The following ADAMTS14 variants were observed in gnomAD, a reference collection of about 807,000 sequenced individuals.
ADAMTS14 encodes ADAM metallopeptidase with thrombospondin type 1 motif 14.
Under a neutral mutation model 128.6 loss-of-function variants are expected in ADAMTS14, and 100 were observed. That is an observed-to-expected ratio of 0.78 (90% CI 0.66 to 0.92). The LOEUF (loss-of-function observed/expected upper bound fraction) is 0.92, where lower values mean the gene tolerates loss of function less well. Among genes scored for constraint, ADAMTS14 ranks in the 40% least tolerant of loss-of-function variants. The pLI is 0.00. For synonymous variants in ADAMTS14, 665 were observed against 653.8 expected (o/e 1.02, Z -0.26); for missense variants, 1,562 against 1,658.6 (o/e 0.94, Z 1.01).
intron 18 of ADAMTS14, 22 bp downstream of exon 18, chr10:70,752,249 C>A: frequency 6.2e-7 from 1 of 1,612,024 alleles, no homozygotes; most frequent in Non-Finnish European, 8.5e-7. Context: ...CAGGGAGGGA[C>A]GGGGAGTCTG....
intron 3 of ADAMTS14, among the ~76,000 whole-genome samples, chr10:70,706,745 C>T (rs1254238183): frequency 6.6e-6 from 1 of 152,250 alleles, no homozygotes; most frequent in African/African-American, 2.4e-5. Context: ...TGTTCCTTTG[C>T]ACTATAGCAC....
Position 70,708,993 on chromosome 10 carries a change from G to A in ADAMTS14, c.870+215G>A, listed in dbSNP as rs116974878. On this transcript the variant is annotated intron_variant, in intron 4 of 21. Transcript: ENST00000373207. ...ATGAGCCTGAATTGGCCTGACTTGC[G>A]TCCCAGGCTGTGGCCTGATCCCAGC... Among the ~76,000 whole-genome samples the A allele has an allele frequency of 2.4e-3, 366 of 152,336 alleles. 14 individuals are homozygous for A. In the South Asian group the frequency reaches 0.037, roughly 16 times the overall value.
At chr10:70,677,210 T>C (rs1306638637) in intron 2 of ADAMTS14, among the ~76,000 whole-genome samples, 2 of 152,148 alleles carry the variant, frequency 1.3e-5, no homozygotes, top group Non-Finnish European at 2.9e-5. Context: ...GTGTAGCATA[T>C]ATGGTGACAA....
At position 70,702,343 on chromosome 10, in the gene ADAMTS14, T is replaced by C. The variant is rs750315083; in HGVS notation, c.554T>C (p.Phe185Ser). 2 of 1,614,102 alleles carry C rather than the reference T, an allele frequency of 1.2e-6. No individual in the cohort carries two copies. The highest frequency in any genetic ancestry group is 2.7e-5 in the African/African-American group (2 of 74,944). The part of the protein sequence containing the change: ...AGLIRTDSTD[F>S]FIEPLERGQQ... Reference sequence around the variant, plus strand: ...CTCATCCGCACAGACAGCACCGACTTCTTCATTGAGCCTCTGGAGCGGGGC... The same window carrying C: ...CTCATCCGCACAGACAGCACCGACTCCTTCATTGAGCCTCTGGAGCGGGGC... The change falls in exon 3 of 22, where the codon TTC (phenylalanine) becomes TCC (serine). Residue 185 changes from phenylalanine (F) to serine (S), a missense_variant. Physicochemically the swap from Phe to Ser is radical, Grantham distance 155. Coordinates refer to ENST00000373207, the MANE Select transcript of ADAMTS14 (RefSeq NM_080722.4).
At chr10:70,695,719 A>C (rs901475036) in intron 2 of ADAMTS14, among the ~76,000 whole-genome samples, 1 of 152,216 alleles carries the variant, frequency 6.6e-6, no homozygotes, top group African/African-American at 2.4e-5. Flanking sequence ...TCTGTTCCAA[A>C]GTTTGAGATG....
chr10:70,684,838 G>A (rs1839909153), intron 2 of ADAMTS14, among the ~76,000 whole-genome samples: 2 of 147,952 alleles, frequency 1.4e-5, no homozygotes, highest in Admixed American at 6.7e-5. Flanking sequence ...CAGAGGCCCC[G>A]GGCCTGGGTC....
Position 70,730,121 on chromosome 10 carries a change from G to C in ADAMTS14, c.974G>C (p.Arg325Pro). The C allele has an allele frequency of 6.2e-7, 1 of 1,607,844 alleles. No individual in the cohort carries two copies. Among genetic ancestry groups the C allele is most frequent in the Non-Finnish European group, 8.5e-7 (1 of 1,179,204 alleles). The change falls in exon 6 of 22, where the codon CGC becomes CCC. Residue 325 changes from arginine to proline, a missense_variant. Transcript: ENST00000373207. The part of the protein sequence containing the change: ...GYRQSLSLIE[R>P]GNPSRSLEQV... ...CTGCAGTCCCTGAGCCTGATCGAGC[G>C]CGGGAACCCCTCACGCAGCCTGGAG...
chr10:70,692,420 G>A (rs1050700278), intron 2 of ADAMTS14, among the ~76,000 whole-genome samples: 13 of 152,236 alleles, frequency 8.5e-5, no homozygotes, highest in Admixed American at 5.9e-4. Context: ...CAGCTGGGAA[G>A]GACCCTGCTG....
At chr10:70,697,922 C>A (rs1840383057) in intron 2 of ADAMTS14, among the ~76,000 whole-genome samples, 1 of 152,192 alleles carries the variant, frequency 6.6e-6, no homozygotes. Flanking sequence ...ATCTTCCACC[C>A]TCACCATCAT....
chr10:70,744,786 T>C lies in ADAMTS14; in HGVS notation c.2183-440T>C, dbSNP rs193280661. 1.3e-3 allele frequency among the ~76,000 whole-genome samples: 194 copies of C among 152,254 alleles called. 1 individual carries two copies. Among genetic ancestry groups the C allele is most frequent in the African/African-American group, 4.4e-3 (183 of 41,534 alleles). ...GACAAGGTTGGTGGCTCTGAGAAAG[T>C]CCAGGCCTTGGGTCGGGAGGGCCAG... On this transcript the variant is annotated intron_variant, in intron 14 of 21. Coordinates refer to ENST00000373207, the MANE Select transcript of ADAMTS14 (RefSeq NM_080722.4).
chr10:70,749,707 G>A (rs1842292858), intron 15 of ADAMTS14, 115 bp from the exon 16 acceptor site: 1 of 1,333,554 alleles, frequency 7.5e-7, no homozygotes, highest in Non-Finnish European at 1.0e-6. Flanking sequence ...GGAAGGAAAG[G>A]CCGGTGGACA....
chr10:70,686,256 G>A (rs1246100661), intron 2 of ADAMTS14, among the ~76,000 whole-genome samples: 1 of 147,878 alleles, frequency 6.8e-6, no homozygotes, highest in African/African-American at 2.5e-5. Context: ...GGTGGCTGAA[G>A]GCCTTTGTCA....
rs1841589923 is a variant in ADAMTS14, at chr10:70,730,193, A to G, written c.1046A>G (p.His349Arg). ...TCCCAGCAGCGCCAGGACCCCAGCC[A>G]CGCTGAGCACCATGACCACGTTGTG... ...AHSQQRQDPSHAEHHDHVVFL... is the reference protein window; with the variant it reads ...AHSQQRQDPSRAEHHDHVVFL... The change falls in exon 6 of 22, where the codon CAC (histidine) becomes CGC (arginine). Residue 349 changes from histidine to arginine, a missense_variant. Coordinates refer to ENST00000373207, the MANE Select transcript of ADAMTS14 (RefSeq NM_080722.4). The G allele has an allele frequency of 6.2e-7, 1 of 1,613,922 alleles. No homozygotes were observed. The highest frequency in any genetic ancestry group is 1.1e-5 in the South Asian group (1 of 91,084).
At chr10:70,712,702 G>A (rs1840900062) in intron 4 of ADAMTS14, among the ~76,000 whole-genome samples, 1 of 152,164 alleles carries the variant, frequency 6.6e-6, no homozygotes, top group South Asian at 2.1e-4. Flanking sequence ...TCTGCTGTAA[G>A]GGCACTTTCT....
In ADAMTS14 at chr10:70,760,448, C is replaced by T; in HGVS notation, c.3267C>T (p.Cys1089=). Reference sequence around the variant, plus strand: ...CCATTCCCGGCTACCACCGGCTCTGCTGTGTGTCCTGCATCAAGAAGGCCT... The same window carrying T: ...CCATTCCCGGCTACCACCGGCTCTGTTGTGTGTCCTGCATCAAGAAGGCCT... ...YCSIPGYHRL[C]CVSCIKKASG... The change falls in exon 22 of 22, where the codon TGC becomes TGT. Residue 1089 remains cysteine, a synonymous_variant. Transcript: ENST00000373207. 6.2e-7 allele frequency: 1 copy of T among 1,613,768 alleles called. No individual in the cohort carries two copies. Among genetic ancestry groups the T allele is most frequent in the Non-Finnish European group, 8.5e-7 (1 of 1,179,958 alleles).
chr10:70,729,966 C>T, intron 5 of ADAMTS14, 136 bp from the exon 6 acceptor site: 1 of 1,021,412 alleles, frequency 9.8e-7, no homozygotes, highest in Non-Finnish European at 1.4e-6. Flanking sequence ...TGAGTGGGGA[C>T]AGCTGGTGAT....
chr10:70,732,499 G>T, intron 7 of ADAMTS14, 140 bp downstream of exon 7: 1 of 718,702 alleles, frequency 1.4e-6, no homozygotes, highest in Non-Finnish European at 2.3e-6. Flanking sequence ...CTGCCACTGC[G>T]GCATGGCCTC....
In ADAMTS14 at chr10:70,707,366, A is replaced by G. The variant is rs560436515; in HGVS notation, c.680-1222A>G. Among the ~76,000 whole-genome samples the G allele has an allele frequency of 5.5e-4, 84 of 152,246 alleles. No homozygotes were observed. In the South Asian group the frequency reaches 5.6e-3, roughly 10 times the overall value. On this transcript the variant is annotated intron_variant, in intron 3 of 21. Coordinates refer to ENST00000373207, the MANE Select transcript of ADAMTS14 (RefSeq NM_080722.4). The stretch of plus-strand genomic sequence containing the variant: ...GGAGTTCTCAAATAACTGGGGATAA[A>G]TGAAGGTTCTTAGAAATTAATGGTA...
chr10:70,718,918 A>T (rs1841157662), intron 4 of ADAMTS14, among the ~76,000 whole-genome samples: 1 of 150,736 alleles, frequency 6.6e-6, no homozygotes, highest in Admixed American at 6.6e-5. Context: ...CTGGTCTTGA[A>T]CTCCTGGCCT....
Sources: allele counts gnomAD v4.1 joint callset (sites outside exome capture counted in the v4.1 genomes callset), GRCh38; gene constraint gnomAD v4.1.1; transcripts MANE v1.5; gene names NCBI Gene and HGNC (gene_info 2026-07-23, HGNC 2026-07-21).